TGFBR3: variants seen among roughly 807,000 people sequenced by gnomAD.
The protein encoded by TGFBR3 is transforming growth factor beta receptor 3.
A neutral mutation model predicts 87.9 loss-of-function variants in TGFBR3; 46 were observed. The ratio of observed to expected loss-of-function variants is 0.52; its 90% CI spans 0.41 to 0.67. The LOEUF is 0.67. Ranked by LOEUF, TGFBR3 falls within the 30% of genes least tolerant of loss-of-function variation. The probability of loss-of-function intolerance (pLI) is 0.00; values close to 1 mark genes in which losing one functional copy is unlikely to be tolerated. For synonymous variants in TGFBR3, 381 were observed against 391.6 expected (o/e 0.97, Z 0.32); for missense variants, 866 against 1,041.9 (o/e 0.83, Z 2.32).
At chr1:91,815,651 C>T (rs1676195800) in intron 2 of TGFBR3, among the ~76,000 whole-genome samples, 2 of 152,302 alleles carry the variant, frequency 1.3e-5, no homozygotes, top group Non-Finnish European at 1.5e-5. Context: ...TAGGGCCCCT[C>T]TCTTGGTTGC....
At chr1:91,727,938 T>A (rs1672606304) in intron 6 of TGFBR3, 132 bp from the exon 7 acceptor site, 1 of 1,022,902 alleles carries the variant, frequency 9.8e-7, no homozygotes, top group Non-Finnish European at 1.5e-6. Flanking sequence ...CCCAGGCCAA[T>A]GACATGTGCA....
chr1:91,728,259 A>G (rs181808493), intron 6 of TGFBR3, among the ~76,000 whole-genome samples: 1,547 of 151,268 alleles, frequency 0.01, 14 homozygotes, highest in Non-Finnish European at 0.017. Context: ...TAAGGGAAGC[A>G]TGGTGGTAAA....
intron 12 of TGFBR3, among the ~76,000 whole-genome samples, chr1:91,713,497 A>C (rs1672057607): frequency 6.6e-6 from 1 of 152,192 alleles, no homozygotes; most frequent in African/African-American, 2.4e-5. Flanking sequence ...ATCAAAATAA[A>C]CTTAAACACT....
intron 16 of TGFBR3, among the ~76,000 whole-genome samples, chr1:91,691,799 A>G (rs1460936158): frequency 6.6e-6 from 1 of 152,220 alleles, no homozygotes; most frequent in Non-Finnish European, 1.5e-5. Context: ...GAATCAGTAG[A>G]ACATTCCATA....
chr1:91,823,609 A>G (rs552853344), intron 2 of TGFBR3, among the ~76,000 whole-genome samples: 1 of 152,364 alleles, frequency 6.6e-6, no homozygotes, highest in East Asian at 1.9e-4. Flanking sequence ...CTGAGCAAAT[A>G]GAAGTCAGAC....
At chr1:91,723,476 G>A (rs1358806957) in intron 7 of TGFBR3, among the ~76,000 whole-genome samples, 1 of 97,372 alleles carries the variant, frequency 1.0e-5, no homozygotes, top group Non-Finnish European at 2.0e-5. Context: ...GGGAGACCCT[G>A]CCTTAAAAAA....
In TGFBR3 at chr1:91,722,001, T is replaced by C; in HGVS notation, c.1029A>G (p.Thr343=). 6.2e-7 allele frequency: 1 copy of C among 1,613,590 alleles called. No individual in the cohort carries two copies. The change falls in exon 8 of 17, where the codon ACA becomes ACG. Residue 343 remains threonine, a synonymous_variant. Coordinates refer to ENST00000212355, the MANE Select transcript of TGFBR3 (RefSeq NM_003243.5). ...DNGYSPITSY[T]MAPVANRFHL... Reference sequence around the variant, plus strand: ...GAAATCTATTAGCCACAGGAGCCATTGTGTATGAAGTTATTGGACTATAGC... The same window carrying C: ...GAAATCTATTAGCCACAGGAGCCATCGTGTATGAAGTTATTGGACTATAGC...
intron 2 of TGFBR3, among the ~76,000 whole-genome samples, chr1:91,838,837 T>A (rs1220621359): frequency 2.0e-5 from 3 of 152,220 alleles, no homozygotes; most frequent in African/African-American, 7.2e-5. Context: ...TCTGGCTTAA[T>A]ACAAGACCAC....
At chr1:91,698,332 T>C (rs1671501337) in intron 14 of TGFBR3, among the ~76,000 whole-genome samples, 1 of 152,164 alleles carries the variant, frequency 6.6e-6, no homozygotes, top group South Asian at 2.1e-4. Context: ...TGACAATCAG[T>C]TGCATAGGCT....
chr1:91,754,266 T>C (rs182855289), intron 4 of TGFBR3, among the ~76,000 whole-genome samples: 1 of 152,342 alleles, frequency 6.6e-6, no homozygotes, highest in African/African-American at 2.4e-5. Flanking sequence ...AGTTAAGTTA[T>C]CTTACTTTTT....
At chr1:91,741,531 G>A (rs17883635) in intron 4 of TGFBR3, among the ~76,000 whole-genome samples, 1 of 152,126 alleles carries the variant, frequency 6.6e-6, no homozygotes, top group Non-Finnish European at 1.5e-5. Flanking sequence ...TCAATCTCCA[G>A]CCCTTCTCCC....
rs79622333 is a variant in TGFBR3, at chr1:91,753,988, C to G, written c.384+4625G>C. ...TTTACATTCCCACCAGCAATGTATG[C>G]GTGTTCCAATTTCCCTACAGCTTTC... is the stretch of plus-strand genomic sequence containing the variant. On this transcript the variant is annotated intron_variant, in intron 4 of 16. Transcript: ENST00000212355. Among the ~76,000 whole-genome samples, 239 of 152,274 alleles carry G rather than the reference C, an allele frequency of 1.6e-3. 1 individual carries two copies. The highest frequency in any genetic ancestry group is 6.8e-3 in the Middle Eastern group (2 of 294).
intron 10 of TGFBR3, 39 bp downstream of exon 10, chr1:91,719,273 T>G (rs780894963): frequency 6.2e-7 from 1 of 1,613,770 alleles, no homozygotes. Context: ...ACAGCCAGGC[T>G]CTGGCAAAGG....
Position 91,722,061 on chromosome 1 carries a change from G to A in TGFBR3, c.969C>T (p.Thr323=), listed in dbSNP as rs576982336. 1.5e-5 allele frequency: 25 copies of A among 1,613,802 alleles called. No individual in the cohort carries two copies. In the East Asian group the frequency reaches 2.2e-4, roughly 14 times the overall value. ...AAGCCCACTTCACCAGATTCCCTTG[G>A]GTTGAAGGAATGTCATCTCTTATTG... ...TKSIRDDIPS[T]QGNLVKWALD... Residue 323 remains threonine, a synonymous_variant, in exon 8 of 17, where the codon ACC becomes ACT. Coordinates refer to ENST00000212355, the MANE Select transcript of TGFBR3 (RefSeq NM_003243.5).
intron 16 of TGFBR3, among the ~76,000 whole-genome samples, chr1:91,692,049 T>C (rs1016927512): frequency 1.6e-4 from 24 of 150,584 alleles, no homozygotes; most frequent in African/African-American, 5.9e-4. Context: ...TGGGGTAGGG[T>C]GGGGAAAGAT....
intron 14 of TGFBR3, among the ~76,000 whole-genome samples, 200 bp downstream of exon 14, chr1:91,708,463 G>C (rs1473896136): frequency 6.6e-6 from 1 of 152,144 alleles, no homozygotes; most frequent in Non-Finnish European, 1.5e-5. Context: ...TTTTCAAATA[G>C]ATTACTTACA....
intron 16 of TGFBR3, among the ~76,000 whole-genome samples, chr1:91,686,014 G>A (rs1671079952): frequency 6.6e-6 from 1 of 152,090 alleles, no homozygotes; most frequent in African/African-American, 2.4e-5. Context: ...TGAAAAGCAG[G>A]AGGCCAACTC....
intron 3 of TGFBR3, among the ~76,000 whole-genome samples, chr1:91,776,471 T>C (rs1674570025): frequency 6.6e-6 from 1 of 152,252 alleles, no homozygotes; most frequent in Non-Finnish European, 1.5e-5. Flanking sequence ...GTTCTACCAA[T>C]TATTTCCCAG....
chr1:91,864,938 C>T (rs1678331903), intron 1 of TGFBR3, among the ~76,000 whole-genome samples: 1 of 152,112 alleles, frequency 6.6e-6, no homozygotes, highest in African/African-American at 2.4e-5. Flanking sequence ...CACAGTGGCT[C>T]ATGCCTGTAA....
Sources: gnomAD v4.1 joint callset for allele counts (sites outside exome capture counted in the v4.1 genomes callset) on GRCh38, gnomAD v4.1.1 for gene constraint, MANE v1.5 for transcripts, NCBI Gene and HGNC (gene_info 2026-07-23, HGNC 2026-07-21) for gene names.